PCDH1: variants seen among roughly 807,000 people sequenced by gnomAD.
PCDH1 encodes the protein protocadherin-1.
PCDH1 carries 23 observed loss-of-function variants against 74.6 expected under a neutral mutation model. The observed-to-expected ratio is 0.31, with a 90% CI of 0.22 to 0.44. The LOEUF (loss-of-function observed/expected upper bound fraction) is 0.44, where lower values mean the gene tolerates loss of function less well. PCDH1 is among the 20% of genes least tolerant of loss of function. The probability of loss-of-function intolerance (pLI) is 1.00; values close to 1 mark genes in which losing one functional copy is unlikely to be tolerated. For missense variants in PCDH1, 1,214 were observed against 1,641.4 expected, an observed-to-expected ratio of 0.74 and a Z score of 4.50; for synonymous variants, 647 against 686.1, an observed-to-expected ratio of 0.94 and a Z score of 0.89.
intron 1 of PCDH1, among the ~76,000 whole-genome samples, chr5:141,876,036 C>T (rs932728745): frequency 2.6e-4 from 40 of 152,234 alleles, no homozygotes; most frequent in African/African-American, 8.4e-4. Flanking sequence ...CCAAGCAGCC[C>T]CAGTCCGCAC....
At chr5:141,855,238 G>T (rs1471434151) in intron 4 of PCDH1, among the ~76,000 whole-genome samples, 1 of 152,080 alleles carries the variant, frequency 6.6e-6, no homozygotes, top group African/African-American at 2.4e-5. Flanking sequence ...GCCTCCCAGA[G>T]TGTTGGAATT....
chr5:141,868,029 A>C lies in PCDH1; in HGVS notation c.903+540T>G, dbSNP rs971976844. Among the ~76,000 whole-genome samples, 1 of 152,216 alleles carries C rather than the reference A, an allele frequency of 6.6e-6. No homozygotes were observed. Among genetic ancestry groups the C allele is most frequent in the Non-Finnish European group, 1.5e-5 (1 of 68,040 alleles). The stretch of plus-strand genomic sequence containing the variant: ...TGCCTAGGGGAGGAGGCATGTATAC[A>C]GACACCCTAGTATGTTTTTTCAGAA... On this transcript the variant is annotated intron_variant, in intron 2 of 4. Coordinates refer to ENST00000287008, the MANE Select transcript of PCDH1 (RefSeq NM_032420.5). The surrounding 1 kb of genome is among the most constrained non-coding windows in gnomAD (Gnocchi z 4.8).
At chr5:141,874,585 G>A (rs1413801356) in intron 1 of PCDH1, among the ~76,000 whole-genome samples, 1 of 152,224 alleles carries the variant, frequency 6.6e-6, no homozygotes, top group African/African-American at 2.4e-5. Context: ...AAAAGCTGAA[G>A]GAAATACTGT....
chr5:141,856,276 A>G, intron 4 of PCDH1: 1 of 1,535,478 alleles, frequency 6.5e-7, no homozygotes, highest in Non-Finnish European at 8.7e-7. Context: ...CGCGGGCACA[A>G]AAAGGATGAG....
rs1752246594 is a variant in PCDH1, at chr5:141,854,373, C to T, written c.3383G>A (p.Gly1128Asp). 1 of 1,613,382 alleles carries T rather than the reference C, an allele frequency of 6.2e-7. No homozygotes were observed. Among genetic ancestry groups the T allele is most frequent in the Non-Finnish European group, 8.5e-7 (1 of 1,179,948 alleles). The change falls in exon 5 of 5, where the codon GGC becomes GAC. Residue 1128 changes from glycine (G) to aspartate (D), a missense_variant. By Grantham distance (94) the Gly-to-Asp change is moderately conservative. Transcript: ENST00000287008. ...GTCTRECSEFGHSDTCWMPGQ... is the reference protein window; with the variant it reads ...GTCTRECSEFDHSDTCWMPGQ... ...AGGCATCCAGCATGTGTCAGAGTGG[C>T]CAAACTCACTGCACTCCCGGGTACA...
rs2126800803 is a variant in PCDH1, at chr5:141,854,398, A to T, written c.3358T>A (p.Cys1120Ser). Residue 1120 changes from cysteine to serine, a missense_variant, in exon 5 of 5, where the codon TGT becomes AGT. Transcript: ENST00000287008. ...CCAAACTCACTGCACTCCCGGGTACATGTGCCTGTCATGGCGACATCAGGC... is the reference window on the plus strand; with the variant it reads ...CCAAACTCACTGCACTCCCGGGTACTTGTGCCTGTCATGGCGACATCAGGC... ...PLPDVAMTGT[C>S]TRECSEFGHS... is the part of the protein sequence containing the mutation. 2 of 1,612,866 alleles carry T rather than the reference A, an allele frequency of 1.2e-6. No individual in the cohort carries two copies. Among genetic ancestry groups the T allele is most frequent in the Non-Finnish European group, 8.5e-7 (1 of 1,179,686 alleles).
intron 3 of PCDH1, among the ~76,000 whole-genome samples, chr5:141,861,214 G>T (rs1415313233): frequency 6.6e-6 from 1 of 150,750 alleles, no homozygotes; most frequent in Non-Finnish European, 1.5e-5. Flanking sequence ...CTTCTCATTC[G>T]ACTCAAGACA....
At position 141,868,863 on chromosome 5, in the gene PCDH1, T is replaced by A. The variant is rs775823635; in HGVS notation, c.609A>T (p.Ala203=). The A allele has an allele frequency of 6.2e-7, 1 of 1,614,228 alleles. No homozygotes were observed. The highest frequency in any genetic ancestry group is 1.1e-5 in the South Asian group (1 of 91,084). ...CAGGCCCAGCCTGCAGCTCATAGGA[T>A]GCCACACCGTTGGGACCAGCATCAC... ...SDRDAGPNGV[A]SYELQAGPEA... is the part of the protein sequence containing the mutation. The change falls in exon 2 of 5, where the codon GCA becomes GCT. Residue 203 remains alanine, a synonymous_variant. Coordinates refer to ENST00000287008, the MANE Select transcript of PCDH1 (RefSeq NM_032420.5). The surrounding 1 kb of genome is among the most constrained non-coding windows in gnomAD (Gnocchi z 4.8).
intron 4 of PCDH1, chr5:141,856,165 G>A (rs866637674): frequency 2.0e-6 from 3 of 1,486,510 alleles, no homozygotes; most frequent in African/African-American, 1.4e-5. Context: ...CTGGGTGGGT[G>A]AGGCTGGGTG....
At chr5:141,877,324 T>G (rs1399802864) in intron 1 of PCDH1, among the ~76,000 whole-genome samples, 1 of 152,174 alleles carries the variant, frequency 6.6e-6, no homozygotes, top group African/African-American at 2.4e-5. Context: ...GTGTGTGCCA[T>G]CAAGCGTGTG....
chr5:141,863,827 T>C lies in PCDH1; in HGVS notation c.2504A>G (p.Asp835Gly). The C allele has an allele frequency of 6.2e-7, 1 of 1,614,160 alleles. No homozygotes were observed. The highest frequency in any genetic ancestry group is 8.5e-7 in the Non-Finnish European group (1 of 1,180,024). Residue 835 changes from aspartate (D) to glycine (G), a missense_variant, in exon 3 of 5, where the codon GAT becomes GGT. Around this residue, in one of 4 missense-constraint regions of PCDH1, gnomAD observed 836 missense variants for 1,182.2 expected, o/e 0.71. Coordinates refer to ENST00000287008, the MANE Select transcript of PCDH1 (RefSeq NM_032420.5). This position sits in a 1 kb window ranked among gnomAD's most constrained non-coding sequence, Gnocchi z 7.5. ...TTCTGGATCCCCAGCAATGTCAATA[T>C]CCAGCGGCGTGTCCAGGCTGTGGCC... is the stretch of plus-strand genomic sequence containing the variant. Reference protein sequence around the residue: ...LLGHSLDTPLDIDIAGDPEYE... With the variant: ...LLGHSLDTPLGIDIAGDPEYE...
At position 141,868,902 on chromosome 5, in the gene PCDH1, C is replaced by A; in HGVS notation, c.570G>T (p.Pro190=). Residue 190 remains proline (P), a synonymous_variant, in exon 2 of 5, where the codon CCG becomes CCT. Transcript: ENST00000287008. This position sits in a 1 kb window ranked among gnomAD's most constrained non-coding sequence, Gnocchi z 4.8. ...GACCAGCATCACGGTCTGAAGCCAG[C>A]GGGATGGGGAAGAGTGAGCCGATGT... The part of the protein sequence containing the change: ...NTNIGSLFPI[P]LASDRDAGPN... The A allele has an allele frequency of 6.2e-7, 1 of 1,614,212 alleles. No individual in the cohort carries two copies. The highest frequency in any genetic ancestry group is 2.2e-5 in the East Asian group (1 of 44,886).
Position 141,878,143 on chromosome 5 carries a change from C to A in PCDH1, c.40+80G>T. On this transcript the variant is annotated intron_variant, in intron 1 of 4. Transcript: ENST00000287008. The surrounding 1 kb of genome is among the most constrained non-coding windows in gnomAD (Gnocchi z 5.5). ...GCCCCCGCGGCCTCGCTCCGCCGAGCGCCCCTCCCTCAGCTCCCGCCGGCC... is the reference window on the plus strand; with the variant it reads ...GCCCCCGCGGCCTCGCTCCGCCGAGAGCCCCTCCCTCAGCTCCCGCCGGCC... 1 of 1,296,766 alleles carries A rather than the reference C, an allele frequency of 7.7e-7. No homozygotes were observed. Among genetic ancestry groups the A allele is most frequent in the Non-Finnish European group, 1.0e-6 (1 of 992,770 alleles). The allele number at this position is 1,296,766 out of a possible 1,614,324, so 80.3% of individuals were successfully genotyped here.
intron 1 of PCDH1, among the ~76,000 whole-genome samples, chr5:141,870,281 CACATGCCCCAGAGCATGCACACAGGA>C (rs1232340675): frequency 6.6e-6 from 1 of 152,226 alleles, no homozygotes; most frequent in East Asian, 1.9e-4. Context: ...AGAGCATGCA[CACATGCCCCAGAGCATGCACACAGGA>C]ACATGCACAG....
rs145187680 is a variant in PCDH1 at position 141,876,132 on chromosome 5, G to A, written c.40+2091C>T. Among the ~76,000 whole-genome samples the A allele has an allele frequency of 7.0e-3, 1,059 of 152,286 alleles. 15 individuals are homozygous for A. The highest frequency in any genetic ancestry group is 0.024 in the African/African-American group (1,009 of 41,568). On this transcript the variant is annotated intron_variant, in intron 1 of 4. Coordinates refer to ENST00000287008, the MANE Select transcript of PCDH1 (RefSeq NM_032420.5). ...GACGCCGAGTGTGTGTGTGTGTTGCGGAGATTAGGGGGTGGCGGGGGGGAC... is the reference window on the plus strand; with the variant it reads ...GACGCCGAGTGTGTGTGTGTGTTGCAGAGATTAGGGGGTGGCGGGGGGGAC...
Position 141,854,274 on chromosome 5 carries a change from C to T in PCDH1, c.3482G>A (p.Arg1161Gln), listed in dbSNP as rs145558495. 1.5e-5 allele frequency: 25 copies of T among 1,613,360 alleles called. No homozygotes were observed. The highest frequency in any genetic ancestry group is 3.3e-4 in the Middle Eastern group (2 of 6,080). ...GGCGCCCGCAGGCTCCTGCCCTCCTCGGTCCTGGTAAGGCACGAAGGTGGA... is the reference window on the plus strand; with the variant it reads ...GGCGCCCGCAGGCTCCTGCCCTCCTTGGTCCTGGTAAGGCACGAAGGTGGA... ...KLSTFVPYQD[R>Q]GGQEPAGAGS... The change falls in exon 5 of 5, where the codon CGA (arginine) becomes CAA (glutamine). Residue 1161 changes from arginine (R) to glutamine (Q), a missense_variant. Arg to Gln is a conservative substitution (Grantham distance 43, BLOSUM62 1). This residue lies in a region of PCDH1 where 194 missense variants were observed against 198.3 expected (regional missense o/e 0.98). Transcript: ENST00000287008.
intron 2 of PCDH1, chr5:141,867,415 T>A: frequency 3.1e-6 from 1 of 323,696 alleles, no homozygotes; most frequent in Non-Finnish European, 6.0e-6. Flanking sequence ...ATCAGGCGAG[T>A]TTTCTAATCT....
At position 141,865,107 on chromosome 5, in the gene PCDH1, C is replaced by T. The variant is rs1237137321; in HGVS notation, c.1224G>A (p.Val408=). The change falls in exon 3 of 5, where the codon GTG becomes GTA. Residue 408 remains valine (V), a synonymous_variant. Transcript: ENST00000287008. This position sits in a 1 kb window ranked among gnomAD's most constrained non-coding sequence, Gnocchi z 4.4. The stretch of plus-strand genomic sequence containing the variant: ...CCAGGGCCACAGCTGTCTCCTCTGC[C>T]ACATCCTCTGAGATGTTAGCCATCC... ...QDGMANISED[V]AEETAVALVQ... 4 of 1,614,118 alleles carry T rather than the reference C, an allele frequency of 2.5e-6. No homozygotes were observed. In the African/African-American group the frequency reaches 4.0e-5, roughly 16 times the overall value.
At chr5:141,877,009 C>T (rs543521574) in intron 1 of PCDH1, among the ~76,000 whole-genome samples, 1 of 152,358 alleles carries the variant, frequency 6.6e-6, no homozygotes, top group African/African-American at 2.4e-5. Flanking sequence ...GAGGCGCCGA[C>T]TGGGAAGCCG....
Sources: allele counts gnomAD v4.1 joint callset (sites outside exome capture counted in the v4.1 genomes callset), GRCh38; gene constraint gnomAD v4.1.1; regional missense constraint gnomAD v4.1.1; non-coding constraint Gnocchi (gnomAD v3.1); transcripts MANE v1.5; gene names NCBI Gene and HGNC (gene_info 2026-07-23, HGNC 2026-07-21).